Variants in OBSL1 observed in about 807,000 individuals in gnomAD.
OBSL1 encodes the protein obscurin like cytoskeletal adaptor 1.
A neutral mutation model predicts 172.0 loss-of-function variants in OBSL1; 160 were observed. That is an observed-to-expected ratio of 0.93 (90% confidence interval 0.82 to 1.06). OBSL1 has a LOEUF of 1.06. Ranked by LOEUF, OBSL1 falls within the 50% of genes least tolerant of loss-of-function variation. OBSL1 has a pLI of 0.00. For synonymous variants in OBSL1, 1,200 were observed against 1,196.3 expected (o/e 1.00, Z -0.06); for missense variants, 2,681 against 2,715.4 (o/e 0.99, Z 0.28).
intron 8 of OBSL1, among the ~76,000 whole-genome samples, chr2:219,560,700 A>G (rs115042649): frequency 0.053 from 8,085 of 151,868 alleles, 753 homozygotes; most frequent in African/African-American, 0.18. Context: ...CTCCACGGAG[A>G]CTCCTGCCTT....
intron 8 of OBSL1, among the ~76,000 whole-genome samples, chr2:219,560,655 C>G (rs1047240152): frequency 2.0e-5 from 3 of 152,130 alleles, no homozygotes; most frequent in Non-Finnish European, 4.4e-5. Context: ...ATGCATGGGC[C>G]GAGGTAACCA....
chr2:219,559,873 A>G (rs1356237302), intron 8 of OBSL1, among the ~76,000 whole-genome samples: 4 of 152,214 alleles, frequency 2.6e-5, no homozygotes, highest in African/African-American at 4.8e-5. Flanking sequence ...TAAGACACTC[A>G]TATCTTATAG....
intron 8 of OBSL1, among the ~76,000 whole-genome samples, chr2:219,560,921 T>G (rs1696416601): frequency 6.6e-6 from 1 of 152,070 alleles, no homozygotes; most frequent in South Asian, 2.1e-4. Context: ...GGTGTCAGAC[T>G]TGATTCGCTC....
At chr2:219,549,099 G>T (rs751615817), downstream of OBSL1, 1 of 1,604,492 alleles carries the variant, frequency 6.2e-7, no homozygotes, top group South Asian at 1.1e-5. Flanking sequence ...GAGGGCTCAA[G>T]GGAAACAAGG....
chr2:219,548,937 A>T, downstream of OBSL1: 1 of 325,454 alleles, frequency 3.1e-6, no homozygotes, highest in East Asian at 8.7e-5. Flanking sequence ...GAAGCCTAGC[A>T]ACCTTCCATA....
chr2:219,547,285 T>G, downstream of OBSL1: 1 of 437,410 alleles, frequency 2.3e-6, no homozygotes, highest in Non-Finnish European at 4.0e-6. Context: ...ATGGTTATGT[T>G]TGCCTTCCCA....
rs550629023 is a variant in OBSL1 at position 219,562,260 on chromosome 2, C to T, written c.2953+142G>A. 61 of 1,035,162 alleles carry T rather than the reference C, an allele frequency of 5.9e-5. No individual in the cohort carries two copies. In the South Asian group the frequency reaches 9.1e-4, roughly 15 times the overall value. 64.1% of individuals were successfully genotyped at this position (1,035,162 alleles called of 1,614,324 possible). A position where few individuals can be genotyped will look rare whatever the true frequency, so the allele number is the denominator to read the frequency against. On this transcript the variant is annotated intron_variant, in intron 8 of 20. Transcript: ENST00000404537. ...TGTTTCCTTGAATAGGGGCCCTGGG[C>T]TCATCTCAGCAAGAACCCTGGCACA...
downstream of OBSL1, chr2:219,548,961 G>A: frequency 1.6e-6 from 1 of 621,500 alleles, no homozygotes; most frequent in Non-Finnish European, 2.8e-6. Flanking sequence ...ACCTATGGAA[G>A]AAAAGAACAA....
downstream of OBSL1, chr2:219,549,090 A>G (rs12996671): frequency 1.9e-6 from 3 of 1,585,352 alleles, no homozygotes; most frequent in South Asian, 2.2e-5. Context: ...TGAGAGAGGG[A>G]GGGCTCAAGG....
rs1251755650 is a variant in OBSL1 at position 219,566,886 on chromosome 2, G to A, written c.2078C>T (p.Ala693Val). The change falls in exon 5 of 21, where the codon GCC (alanine) becomes GTC (valine). Residue 693 changes from alanine to valine, a missense_variant. Ala to Val is a moderately conservative substitution (Grantham distance 64, BLOSUM62 0). Coordinates refer to ENST00000404537, the MANE Select transcript of OBSL1 (RefSeq NM_015311.3). ...LHAVKHQDSG[A>V]LVGFSCPGVQ... Reference sequence around the variant, plus strand: ...GCCGGGGCAGCTGAAGCCGACCAGGGCACCGCTGTCCTGGTGCTTGACGGC... The same window carrying A: ...GCCGGGGCAGCTGAAGCCGACCAGGACACCGCTGTCCTGGTGCTTGACGGC... 6.2e-7 allele frequency: 1 copy of A among 1,604,798 alleles called. No homozygotes were observed. The highest frequency in any genetic ancestry group is 1.7e-5 in the Admixed American group (1 of 59,870).
rs766672074 is a variant in OBSL1, at chr2:219,551,657, T to TC, written c.5554dup (p.Asp1852GlyfsTer2). 8.1e-6 allele frequency: 13 copies of TC among 1,611,474 alleles called. No homozygotes were observed. The highest frequency in any genetic ancestry group is 1.3e-5 in the African/African-American group (1 of 74,840). ...GCCGTGGCTGCGCATCTCATACTTA[T>TC]CTCCCGGGCACAGCTCGGCCCCCTC... On this transcript the variant is annotated frameshift_variant, in exon 20 of 21. Coordinates refer to ENST00000404537, the MANE Select transcript of OBSL1 (RefSeq NM_015311.3). LOFTEE classifies it high-confidence loss of function.
chr2:219,563,633 T>G lies in OBSL1; in HGVS notation c.2408-6A>C. 6.2e-7 allele frequency: 1 copy of G among 1,608,810 alleles called. No homozygotes were observed. Among genetic ancestry groups the G allele is most frequent in the Non-Finnish European group, 8.5e-7 (1 of 1,176,416 alleles). On this transcript the variant is annotated splice_polypyrimidine_tract_variant and splice_region_variant and intron_variant, in intron 6 of 20. Coordinates refer to ENST00000404537, the MANE Select transcript of OBSL1 (RefSeq NM_015311.3). ...CACGATGTGCACGGGAGGATCTGGGTGGGAAGCAGAGATGGCATTGCACAG... is the reference window on the plus strand; with the variant it reads ...CACGATGTGCACGGGAGGATCTGGGGGGGAAGCAGAGATGGCATTGCACAG...
chr2:219,556,354 C>G, intron 13 of OBSL1, 62 bp from the exon 14 acceptor site: 3 of 1,572,618 alleles, frequency 1.9e-6, no homozygotes, highest in Non-Finnish European at 2.6e-6. Flanking sequence ...CTTGCTCCAT[C>G]CCACTGGTCT....
chr2:219,564,227 C>T (rs1696705780), intron 6 of OBSL1, among the ~76,000 whole-genome samples: 1 of 152,222 alleles, frequency 6.6e-6, no homozygotes, highest in Non-Finnish European at 1.5e-5. Context: ...TACTGGGGCT[C>T]TGGACAGTCC....
At chr2:219,552,784 C>G (rs1018815003) in intron 17 of OBSL1, 84 bp downstream of exon 17, 1 of 1,516,730 alleles carries the variant, frequency 6.6e-7, no homozygotes, top group African/African-American at 1.4e-5. Flanking sequence ...TAGAAGCACG[C>G]GCGGTCATCA....
chr2:219,547,751 G>A (rs758240935), downstream of OBSL1: 71 of 1,593,872 alleles, frequency 4.5e-5, no homozygotes, highest in South Asian at 5.5e-5. Flanking sequence ...GCTGGGCTCC[G>A]CACCCTACTA....
downstream of OBSL1, chr2:219,547,538 A>C (rs1230257157): frequency 2.1e-6 from 3 of 1,444,262 alleles, no homozygotes; most frequent in Admixed American, 2.5e-5. Flanking sequence ...GCTCTTTCTC[A>C]CTGGGTTGCT....
At chr2:219,550,163 G>A (rs1411455446), downstream of OBSL1, 1 of 286,422 alleles carries the variant, frequency 3.5e-6, no homozygotes, top group Non-Finnish European at 6.5e-6. Context: ...AGGGGACGCT[G>A]GGACCCTTGC....
In OBSL1 at chr2:219,557,928, C is replaced by T. The variant is rs546748366; in HGVS notation, c.3685G>A (p.Val1229Ile). 113 of 1,606,396 alleles carry T rather than the reference C, an allele frequency of 7.0e-5. 2 individuals carry two copies. The South Asian group carries it at 1.1e-3, about 16-fold the overall frequency. ...GGGCCTGCAGCCTGGATGCAGAGGA[C>T]TCGGCGGGGGCCCTCGGCATGGAGC... is the stretch of plus-strand genomic sequence containing the variant. Reference protein sequence around the residue: ...LELHAEGPRRVLCIQAAGPAH... With the variant: ...LELHAEGPRRILCIQAAGPAH... The change falls in exon 11 of 21, where the codon GTC becomes ATC. Residue 1229 changes from valine to isoleucine, a missense_variant. Val to Ile is a conservative substitution (Grantham distance 29). Coordinates refer to ENST00000404537, the MANE Select transcript of OBSL1 (RefSeq NM_015311.3).
Sources: allele counts gnomAD v4.1 joint callset (sites outside exome capture counted in the v4.1 genomes callset), GRCh38; gene constraint gnomAD v4.1.1; transcripts MANE v1.5; gene names NCBI Gene and HGNC (gene_info 2026-07-23, HGNC 2026-07-21).